Variants in SORCS1 observed in about 807,000 individuals in gnomAD.
The protein encoded by SORCS1 is VPS10 domain-containing receptor SorCS1.
In SORCS1, 60 loss-of-function variants were observed where a neutral mutation model predicts 146.1. That is an observed-to-expected ratio of 0.41 (90% confidence interval 0.33 to 0.51). The LOEUF (loss-of-function observed/expected upper bound fraction) is 0.51, where lower values mean the gene tolerates loss of function less well. Among genes scored for constraint, SORCS1 ranks in the 20% least tolerant of loss-of-function variants. SORCS1 has a pLI of 0.21. For synonymous variants in SORCS1, 637 were observed against 584.0 expected (o/e 1.09, Z -1.31); for missense variants, 1,352 against 1,487.6 (o/e 0.91, Z 1.50).
At chr10:106,784,451 T>G (rs1258441232) in intron 3 of SORCS1, among the ~76,000 whole-genome samples, 1 of 151,796 alleles carries the variant, frequency 6.6e-6, no homozygotes. Context: ...ATGTACACAT[T>G]CAAAGAATGT....
chr10:106,944,468 T>C (rs1160995179), intron 2 of SORCS1, among the ~76,000 whole-genome samples: 1 of 152,210 alleles, frequency 6.6e-6, no homozygotes, highest in Non-Finnish European at 1.5e-5. Context: ...TCCAGAAAGC[T>C]CTTCCTTCCC....
intron 1 of SORCS1, among the ~76,000 whole-genome samples, chr10:106,991,967 T>A (rs1411262997): frequency 1.3e-5 from 2 of 152,216 alleles, no homozygotes; most frequent in Non-Finnish European, 2.9e-5. Flanking sequence ...CTTCCACCAG[T>A]GACAGATCTG....
At chr10:106,736,856 CAAAT>C (rs1246949699) in intron 5 of SORCS1, among the ~76,000 whole-genome samples, 1 of 152,162 alleles carries the variant, frequency 6.6e-6, no homozygotes, top group Non-Finnish European at 1.5e-5. Context: ...CTAAAAATAA[CAAAT>C]AAATAGATCA....
At chr10:106,635,770 T>C (rs1324706865) in intron 18 of SORCS1, among the ~76,000 whole-genome samples, 1 of 152,116 alleles carries the variant, frequency 6.6e-6, no homozygotes. Context: ...CCAACTGAAT[T>C]TGTTGTTATT....
intron 1 of SORCS1, among the ~76,000 whole-genome samples, chr10:107,147,529 TC>T (rs1419631472): frequency 6.6e-6 from 1 of 152,070 alleles, no homozygotes; most frequent in Non-Finnish European, 1.5e-5. Flanking sequence ...TCTTTCTCTC[TC>T]CCCTCTCTCT....
At chr10:106,805,759 T>TA in intron 3 of SORCS1, among the ~76,000 whole-genome samples, 1 of 152,090 alleles carries the variant, frequency 6.6e-6, no homozygotes, top group South Asian at 2.1e-4. Flanking sequence ...GCAAAGGAAA[T>TA]AGATTTAAAA....
intron 2 of SORCS1, among the ~76,000 whole-genome samples, chr10:106,916,935 G>A (rs576709489): frequency 6.6e-6 from 1 of 152,166 alleles, no homozygotes; most frequent in South Asian, 2.1e-4. Context: ...TAGAGACGGG[G>A]TTTCACCATG....
intron 24 of SORCS1, among the ~76,000 whole-genome samples, chr10:106,596,614 G>A (rs1159777388): frequency 6.6e-6 from 1 of 152,122 alleles, no homozygotes; most frequent in Non-Finnish European, 1.5e-5. Context: ...ACCAATTCCA[G>A]GTTCAATTCC....
At chr10:106,953,815 A>G (rs1235275065) in intron 2 of SORCS1, among the ~76,000 whole-genome samples, 1 of 152,176 alleles carries the variant, frequency 6.6e-6, no homozygotes, top group Non-Finnish European at 1.5e-5. Flanking sequence ...ATTTTATGGG[A>G]CCACTATTGT....
chr10:106,584,989 C>T (rs1845136831), intron 24 of SORCS1, among the ~76,000 whole-genome samples: 1 of 152,036 alleles, frequency 6.6e-6, no homozygotes, highest in Non-Finnish European at 1.5e-5. Context: ...TTATGGACTA[C>T]CTGAATCAGA....
chr10:106,674,150 A>G (rs1237626906), intron 14 of SORCS1, among the ~76,000 whole-genome samples: 2 of 38,128 alleles, frequency 5.2e-5, no homozygotes, highest in East Asian at 3.8e-4. Flanking sequence ...CTCTGTCTCT[A>G]CTAAAAAAAA....
rs1175224315 is a variant in SORCS1 at position 107,139,078 on chromosome 10, C to T, written c.558+24891G>A. 5.3e-5 allele frequency among the ~76,000 whole-genome samples: 8 copies of T among 152,284 alleles called. 1 individual carries two copies. The highest frequency in any genetic ancestry group is 5.2e-4 in the Admixed American group (8 of 15,290). On this transcript the variant is annotated intron_variant, in intron 1 of 25. Coordinates refer to ENST00000263054, the MANE Select transcript of SORCS1 (RefSeq NM_052918.5). ...CTAATTTGTGTAATTACCTATCTCC[C>T]TAATGATGTGCTTGTTTACAGATTA...
chr10:106,684,326 A>C (rs1416627685), intron 10 of SORCS1, among the ~76,000 whole-genome samples: 2 of 152,150 alleles, frequency 1.3e-5, no homozygotes, highest in African/African-American at 4.8e-5. Flanking sequence ...TGACAAAGTG[A>C]GACTCAGTCT....
intron 1 of SORCS1, among the ~76,000 whole-genome samples, chr10:107,039,933 G>A (rs1029116999): frequency 3.9e-5 from 6 of 152,108 alleles, no homozygotes; most frequent in Non-Finnish European, 5.9e-5. Context: ...AACATAGTGA[G>A]GCCCCATTTC....
chr10:106,603,331 C>A (rs1259140153), intron 23 of SORCS1, among the ~76,000 whole-genome samples: 1 of 152,208 alleles, frequency 6.6e-6, no homozygotes, highest in Non-Finnish European at 1.5e-5. Context: ...CCTTTTCTCA[C>A]TCACCAGAGA....
intron 2 of SORCS1, among the ~76,000 whole-genome samples, chr10:106,891,665 A>T (rs1205357801): frequency 6.6e-6 from 1 of 152,032 alleles, no homozygotes; most frequent in East Asian, 1.9e-4. Flanking sequence ...GCACCCTGCC[A>T]GGGATCTTCT....
chr10:106,585,677 CT>C (rs1181244176), intron 24 of SORCS1, among the ~76,000 whole-genome samples: 3 of 152,194 alleles, frequency 2.0e-5, no homozygotes, highest in African/African-American at 7.2e-5. Context: ...TTCTTCATGT[CT>C]TGAATCTGAG....
At position 106,579,467 on chromosome 10, in the gene SORCS1, C is replaced by T. The variant is rs142773000; in HGVS notation, c.3273G>A (p.Leu1091=). Reference sequence around the variant, plus strand: ...CACTGTGGGTTGGAGTGAGGTCCACCAGGGGGGCTTGTGGGGGAAACAGAG... The same window carrying T: ...CACTGTGGGTTGGAGTGAGGTCCACTAGGGGGGCTTGTGGGGGAAACAGAG... ...VHAAHLTAAP[L]VDLTPTHSGS... The change falls in exon 25 of 26, where the codon CTG becomes CTA. Residue 1091 remains leucine, a synonymous_variant. Coordinates refer to ENST00000263054, the MANE Select transcript of SORCS1 (RefSeq NM_052918.5). 6.2e-7 allele frequency: 1 copy of T among 1,613,532 alleles called. No individual in the cohort carries two copies. Among genetic ancestry groups the T allele is most frequent in the Non-Finnish European group, 8.5e-7 (1 of 1,179,878 alleles).
intron 4 of SORCS1, among the ~76,000 whole-genome samples, chr10:106,762,619 G>C (rs886569745): frequency 6.6e-6 from 1 of 151,302 alleles, no homozygotes; most frequent in Non-Finnish European, 1.5e-5. Context: ...GGATGGTCTC[G>C]ATCTCCTGAC....
Sources: gnomAD v4.1 joint callset for allele counts (sites outside exome capture counted in the v4.1 genomes callset) on GRCh38, gnomAD v4.1.1 for gene constraint, MANE v1.5 for transcripts, NCBI Gene and HGNC (gene_info 2026-07-23, HGNC 2026-07-21) for gene names.